Variants in SNAPC4 observed in about 807,000 individuals in gnomAD.
The protein encoded by SNAPC4 is small nuclear RNA activating complex polypeptide 4.
A neutral mutation model predicts 151.3 loss-of-function variants in SNAPC4; 127 were observed. That is an observed-to-expected ratio of 0.84 (90% confidence interval 0.73 to 0.97). SNAPC4 has a LOEUF of 0.97. SNAPC4 is among the 50% of genes least tolerant of loss of function. The pLI is 0.00. For missense variants in SNAPC4, 2,186 were observed against 1,935.0 expected (o/e 1.13, Z -2.43); for synonymous variants, 1,002 against 824.4 (o/e 1.22, Z -3.69).
intron 9 of SNAPC4, 113 bp from the exon 10 acceptor site, chr9:136,392,219 G>T: frequency 1.5e-6 from 2 of 1,340,370 alleles, no homozygotes; most frequent in Non-Finnish European, 2.1e-6. Flanking sequence ...ACGGCTGCAA[G>T]TAAGCGCAAT....
Position 136,379,200 on chromosome 9 carries a change from G to A in SNAPC4, c.2627C>T (p.Pro876Leu), listed in dbSNP as rs1373341940. 1.2e-6 allele frequency: 2 copies of A among 1,609,076 alleles called. No homozygotes were observed. Among genetic ancestry groups the A allele is most frequent in the Middle Eastern group, 1.7e-4 (1 of 6,044 alleles). The change falls in exon 22 of 24, where the codon CCC becomes CTC. Residue 876 changes from proline (P) to leucine (L), a missense_variant. Coordinates refer to ENST00000684778, the MANE Select transcript of SNAPC4 (RefSeq NM_003086.4). ...LASSRVERTL[P>L]QASLLASTGP... Reference sequence around the variant, plus strand: ...GGTTGAAGCCAGCAGGGACGCCTGGGGTAGGGTGCGCTCCACCCGGCTGGA... The same window carrying A: ...GGTTGAAGCCAGCAGGGACGCCTGGAGTAGGGTGCGCTCCACCCGGCTGGA...
At chr9:136,379,364 T>C in intron 21 of SNAPC4, 65 bp from the exon 22 acceptor site, 4 of 1,595,382 alleles carry the variant, frequency 2.5e-6, no homozygotes, top group Middle Eastern at 3.9e-4. Context: ...AGCCCCTCGC[T>C]GCCATCCCCT....
At chr9:136,389,098 G>A (rs910806016) in intron 10 of SNAPC4, among the ~76,000 whole-genome samples, 1 of 152,202 alleles carries the variant, frequency 6.6e-6, no homozygotes, top group Non-Finnish European at 1.5e-5. Flanking sequence ...TCAGAAGAGA[G>A]TGCCCCAAAA....
In SNAPC4 at chr9:136,381,331, C is replaced by T. The variant is rs770245394; in HGVS notation, c.2379G>A (p.Leu793=). The change falls in exon 19 of 24, where the codon CTG becomes CTA. Residue 793 remains leucine, a synonymous_variant. Transcript: ENST00000684778. ...TGCCCAAGTAGCTTACCTGGGTAAA[C>T]AGGGTAAACACAGGGGTGCTGGCCA... The part of the protein sequence containing the change: ...ARLASTPVFT[L]FTQLFHIDTA... 13 of 1,612,436 alleles carry T rather than the reference C, an allele frequency of 8.1e-6. No homozygotes were observed. The highest frequency in any genetic ancestry group is 1.1e-5 in the Non-Finnish European group (13 of 1,179,458).
chr9:136,377,770 C>G lies in SNAPC4; in HGVS notation c.4057G>C (p.Gly1353Arg). The G allele has an allele frequency of 6.2e-7, 1 of 1,611,648 alleles. No homozygotes were observed. Among genetic ancestry groups the G allele is most frequent in the South Asian group, 1.1e-5 (1 of 91,026 alleles). The part of the protein sequence containing the change: ...ALQASLGLVR[G>R]QLQDNPAYLL... ...TAGGCCGGGTTGTCCTGGAGCTGCC[C>G]CCGCACCAGCCCCAGTGAGGCTTGC... The change falls in exon 22 of 24, where the codon GGG (glycine) becomes CGG (arginine). Residue 1353 changes from glycine (G) to arginine (R), a missense_variant. Coordinates refer to ENST00000684778, the MANE Select transcript of SNAPC4 (RefSeq NM_003086.4).
rs750047187 is a variant in SNAPC4, at chr9:136,388,585, G to A, written c.982C>T (p.Arg328Cys). Reference protein sequence around the residue: ...QKIAEELGTSRSAFQCLQKFQ... With the variant: ...QKIAEELGTSCSAFQCLQKFQ... ...TTCTGCAGGCACTGGAAGGCGCTGC[G>A]GCTGGTCTTCCCAGGCCCAAACAAA... The change falls in exon 11 of 24, where the codon CGC (arginine) becomes TGC (cysteine). Residue 328 changes from arginine (R) to cysteine (C), a missense_variant. Physicochemically the swap from Arg to Cys is radical, Grantham distance 180. Coordinates refer to ENST00000684778, the MANE Select transcript of SNAPC4 (RefSeq NM_003086.4). 1.9e-5 allele frequency: 30 copies of A among 1,613,870 alleles called. No homozygotes were observed. Among genetic ancestry groups the A allele is most frequent in the African/African-American group, 2.7e-5 (2 of 74,944 alleles).
In SNAPC4 at chr9:136,379,145, C is replaced by T. The variant is rs368169316; in HGVS notation, c.2682G>A (p.Ser894=). 2.7e-5 allele frequency: 43 copies of T among 1,578,136 alleles called. No homozygotes were observed. The highest frequency in any genetic ancestry group is 3.8e-5 in the Admixed American group (2 of 53,104). ...GAAGCCGCTTCTCCTGAAGCAGCTC[C>T]GACACAGTCTTGGGCTTGGGCCGGG... The part of the protein sequence containing the change: ...TGPRPKPKTV[S]ELLQEKRLQE... The change falls in exon 22 of 24, where the codon TCG becomes TCA. Residue 894 remains serine, a synonymous_variant. Coordinates refer to ENST00000684778, the MANE Select transcript of SNAPC4 (RefSeq NM_003086.4).
In SNAPC4 at chr9:136,378,261, G is replaced by T; in HGVS notation, c.3566C>A (p.Thr1189Lys). 2 of 1,607,688 alleles carry T rather than the reference G, an allele frequency of 1.2e-6. No individual in the cohort carries two copies. Among genetic ancestry groups the T allele is most frequent in the Non-Finnish European group, 1.7e-6 (2 of 1,177,758 alleles). ...TTCAGGAGGGTCAGCGTGGGAGGAC[G>T]TCCTGGGCTCAGGTATCTCCCTGGC... is the stretch of plus-strand genomic sequence containing the variant. Reference protein sequence around the residue: ...QVAREIPEPRTSSHADPPEAE... With the variant: ...QVAREIPEPRKSSHADPPEAE... Residue 1189 changes from threonine to lysine, a missense_variant, in exon 22 of 24, where the codon ACG (threonine) becomes AAG (lysine). Physicochemically the swap from Thr to Lys is moderately conservative, Grantham distance 78. Transcript: ENST00000684778.
rs939498311 is a variant in SNAPC4 at position 136,392,882 on chromosome 9, C to T, written c.633-105G>A. 2.0e-5 allele frequency: 19 copies of T among 929,006 alleles called. 1 individual carries two copies. Among genetic ancestry groups the T allele is most frequent in the East Asian group, 1.0e-4 (4 of 38,160 alleles). The allele number at this position is 929,006 out of a possible 1,614,324, so 57.5% of individuals were successfully genotyped here. On this transcript the variant is annotated intron_variant, in intron 7 of 23. Coordinates refer to ENST00000684778, the MANE Select transcript of SNAPC4 (RefSeq NM_003086.4). Reference sequence around the variant, plus strand: ...AGGAGTGTGAGCTCAGCAGAGATTCCGAGCCTCCCTCACCCTCCCTGCCTC... The same window carrying T: ...AGGAGTGTGAGCTCAGCAGAGATTCTGAGCCTCCCTCACCCTCCCTGCCTC...
At chr9:136,376,262 G>C (rs1177360184) in intron 23 of SNAPC4, 87 bp downstream of exon 23, 16 of 1,506,526 alleles carry the variant, frequency 1.1e-5, no homozygotes, top group African/African-American at 1.4e-5. Context: ...GCGCCAAAGA[G>C]CCGAGCAGAG....
rs376915002 is a variant in SNAPC4, at chr9:136,384,866, G to A, written c.1326-52C>T. 330 of 954,916 alleles carry A rather than the reference G, an allele frequency of 3.5e-4. 1 individual carries two copies. The highest frequency in any genetic ancestry group is 6.0e-4 in the Admixed American group (27 of 44,984). 59.2% of individuals were successfully genotyped at this position (954,916 alleles called of 1,614,324 possible). ...CGTTTTAGATGCCGAGACGCCGCCC[G>A]CTGCTGCCCCAAGCTTCTTTAATGG... On this transcript the variant is annotated intron_variant, in intron 13 of 23. Coordinates refer to ENST00000684778, the MANE Select transcript of SNAPC4 (RefSeq NM_003086.4).
rs780176316 is a variant in SNAPC4 at position 136,384,679 on chromosome 9, C to CA, written c.1420+40dup. The CA allele has an allele frequency of 1.1e-3, 1,186 of 1,088,462 alleles. 2 individuals carry two copies. The highest frequency in any genetic ancestry group is 1.4e-3 in the Non-Finnish European group (995 of 735,360). 67.4% of individuals were successfully genotyped at this position (1,088,462 alleles called of 1,614,324 possible). A position where few individuals can be genotyped will look rare whatever the true frequency, so the allele number is the denominator to read the frequency against. ...GATCTCTTTTCTAAGAAACAAAAAA[C>CA]AAAAAAAAGAAACTAGAAGAACAAA... On this transcript the variant is annotated intron_variant, in intron 14 of 23. Coordinates refer to ENST00000684778, the MANE Select transcript of SNAPC4 (RefSeq NM_003086.4).
chr9:136,385,104 C>T (rs180683604), intron 13 of SNAPC4, among the ~76,000 whole-genome samples: 2 of 152,312 alleles, frequency 1.3e-5, no homozygotes, highest in East Asian at 1.9e-4. Flanking sequence ...CATAACTAGA[C>T]AAGTAATGTC....
At chr9:136,395,855 C>T in intron 3 of SNAPC4, 85 bp from the exon 4 acceptor site, 1 of 1,348,940 alleles carries the variant, frequency 7.4e-7, no homozygotes, top group Non-Finnish European at 1.0e-6. Context: ...ATCGCTGGGC[C>T]TCTGGGACAC....
Position 136,378,748 on chromosome 9 carries a change from G to A in SNAPC4, c.3079C>T (p.Gln1027Ter), listed in dbSNP as rs1399186989. 3.3e-6 allele frequency: 5 copies of A among 1,521,414 alleles called. No homozygotes were observed. The highest frequency in any genetic ancestry group is 3.5e-6 in the Non-Finnish European group (4 of 1,134,442). The allele number at this position is 1,521,414 out of a possible 1,614,324, so 94.2% of individuals were successfully genotyped here. The change falls in exon 22 of 24, where the codon CAG becomes TAG. Residue 1027 changes from glutamine (Q) to a stop codon, truncating the protein, a stop_gained. Coordinates refer to ENST00000684778, the MANE Select transcript of SNAPC4 (RefSeq NM_003086.4). LOFTEE classifies it high-confidence loss of function. ...SCPESGLGQSQAPAASRKQGL... is the reference protein window; with the variant it reads ...SCPESGLGQS ...TGCTTCCGGGATGCAGCGGGGGCCT[G>A]AGACTGTCCGAGACCACTCTCGGGG...
At chr9:136,397,425 G>C (rs1181953294) in intron 2 of SNAPC4, among the ~76,000 whole-genome samples, 1 of 150,548 alleles carries the variant, frequency 6.6e-6, no homozygotes, top group African/African-American at 2.5e-5. Context: ...TTGCCTCAGA[G>C]GCAGGCCCTG....
chr9:136,383,327 A>G lies in SNAPC4; in HGVS notation c.1842T>C (p.Ala614=). 2 of 1,611,438 alleles carry G rather than the reference A, an allele frequency of 1.2e-6. No individual in the cohort carries two copies. Among genetic ancestry groups the G allele is most frequent in the Non-Finnish European group, 1.7e-6 (2 of 1,179,394 alleles). The change falls in exon 16 of 24, where the codon GCT becomes GCC. Residue 614 remains alanine (A), a synonymous_variant. Coordinates refer to ENST00000684778, the MANE Select transcript of SNAPC4 (RefSeq NM_003086.4). The surrounding 1 kb of genome is among the most constrained non-coding windows in gnomAD (Gnocchi z 4.2). ...SSASQGGSKE[A]STTAAAPGEE... ...CTCCAGGAGCCGCGGCTGTGGTGGA[A>G]GCTTCCTTGCTGCCGCCCTGGCTGG... is the stretch of plus-strand genomic sequence containing the variant.
chr9:136,394,692 G>C, intron 6 of SNAPC4, 108 bp downstream of exon 6: 1 of 977,512 alleles, frequency 1.0e-6, no homozygotes, highest in Non-Finnish European at 1.6e-6. Flanking sequence ...GGAGCCATGA[G>C]GTCACAACAG....
Position 136,382,034 on chromosome 9 carries a change from G to C in SNAPC4, c.2107C>G (p.Pro703Ala). Residue 703 changes from proline to alanine, a missense_variant, in exon 18 of 24, where the codon CCA (proline) becomes GCA (alanine). Pro to Ala is a conservative substitution (Grantham distance 27). Coordinates refer to ENST00000684778, the MANE Select transcript of SNAPC4 (RefSeq NM_003086.4). ...LRQPPLPTSS[P>A]GVSSGDSVAR... ...ACGCTGTCACCAGAGCTGACCCCTG[G>C]GGATGAGGTGGGCAGGGGTGGCTGC... 2 of 1,602,746 alleles carry C rather than the reference G, an allele frequency of 1.2e-6. No homozygotes were observed. Among genetic ancestry groups the C allele is most frequent in the Non-Finnish European group, 1.7e-6 (2 of 1,175,660 alleles).
Sources: allele counts gnomAD v4.1 joint callset (sites outside exome capture counted in the v4.1 genomes callset), GRCh38; gene constraint gnomAD v4.1.1; non-coding constraint Gnocchi (gnomAD v3.1); transcripts MANE v1.5; gene names NCBI Gene and HGNC (gene_info 2026-07-23, HGNC 2026-07-21).